The following TFDP2 variants were observed in gnomAD, a reference collection of about 807,000 sequenced individuals.
TFDP2 encodes the protein transcription factor Dp-2 (E2F dimerization partner 2).
TFDP2 carries 17 observed loss-of-function variants against 59.3 expected under a neutral mutation model. That is an observed-to-expected ratio of 0.29 (90% CI 0.20 to 0.43). The LOEUF (loss-of-function observed/expected upper bound fraction) is 0.43, where lower values mean the gene tolerates loss of function less well. Among genes scored for constraint, TFDP2 ranks in the 20% least tolerant of loss-of-function variants. TFDP2 has a pLI of 1.00. For synonymous variants in TFDP2, 180 were observed against 194.7 expected (o/e 0.92, Z 0.63); for missense variants, 391 against 528.8 (o/e 0.74, Z 2.56).
chr3:142,024,256 G>A (rs888060728), intron 3 of TFDP2, among the ~76,000 whole-genome samples: 4 of 152,124 alleles, frequency 2.6e-5, no homozygotes, highest in African/African-American at 7.2e-5. Flanking sequence ...CAAAGTCCCC[G>A]GTTGATAGTC....
rs1014720941 is a variant in TFDP2 at position 141,951,603 on chromosome 3, C to T, written c.*910G>A. ...CACACTGGGTGAGATCATACAATTA[C>T]TGCAGGGAACTGTAGGCAAGCAATT... On this transcript the variant is annotated 3_prime_UTR_variant, in exon 13 of 13. Coordinates refer to ENST00000489671, the MANE Select transcript of TFDP2 (RefSeq NM_001178139.2). 2 of 152,638 alleles carry T rather than the reference C, an allele frequency of 1.3e-5. No homozygotes were observed. The highest frequency in any genetic ancestry group is 4.8e-5 in the African/African-American group (2 of 41,448). The allele number at this position is 152,638 out of a possible 1,614,324, so 9.5% of individuals were successfully genotyped here. A position where few individuals can be genotyped will look rare whatever the true frequency, so the allele number is the denominator to read the frequency against.
At chr3:141,953,065 G>T in intron 11 of TFDP2, 49 bp from the exon 12 acceptor site, 1 of 1,355,134 alleles carries the variant, frequency 7.4e-7, no homozygotes, top group Non-Finnish European at 1.1e-6. Flanking sequence ...AAGTTCTGTG[G>T]CTGCTGTTGT....
chr3:141,984,327 C>T (rs1941823559), intron 6 of TFDP2, among the ~76,000 whole-genome samples: 1 of 151,946 alleles, frequency 6.6e-6, no homozygotes, highest in East Asian at 1.9e-4. Flanking sequence ...TGGTGAAACC[C>T]CGTTTACTAA....
chr3:141,999,551 C>T (rs1274693720), intron 4 of TFDP2, among the ~76,000 whole-genome samples: 2 of 152,106 alleles, frequency 1.3e-5, no homozygotes, highest in Non-Finnish European at 2.9e-5. Flanking sequence ...AAGAAAAGGG[C>T]AAGTATCTCA....
Position 142,101,735 on chromosome 3 carries a change from AT to A in TFDP2, c.14del (p.Asn5MetfsTer4). The A allele has an allele frequency of 5.9e-6, 8 of 1,364,790 alleles. No homozygotes were observed. The highest frequency in any genetic ancestry group is 2.5e-5 in the East Asian group (1 of 39,528). The allele number at this position is 1,364,790 out of a possible 1,614,324, so 84.5% of individuals were successfully genotyped here. A position where few individuals can be genotyped will look rare whatever the true frequency, so the allele number is the denominator to read the frequency against. ...CATTAAAAAATTTACAAATACTTAC[AT>A]TTTTTGCCGTCATGTCAAACTGTAT... MTAK[N>X]VGLTSTNAEV... On this transcript the variant is annotated frameshift_variant and splice_region_variant, in exon 2 of 13. Coordinates refer to ENST00000489671, the MANE Select transcript of TFDP2 (RefSeq NM_001178139.2). LOFTEE classifies it high-confidence loss of function.
intron 1 of TFDP2, among the ~76,000 whole-genome samples, chr3:142,111,809 T>C (rs1392799617): frequency 2.0e-5 from 3 of 152,318 alleles, no homozygotes; most frequent in South Asian, 4.1e-4. Context: ...CTCACGCCTG[T>C]AATCCCAGCA....
At chr3:141,994,089 G>C (rs1943041079) in intron 5 of TFDP2, among the ~76,000 whole-genome samples, 1 of 152,178 alleles carries the variant, frequency 6.6e-6, no homozygotes, top group Non-Finnish European at 1.5e-5. Flanking sequence ...TAGGATTCCA[G>C]GTAATTCTGT....
At chr3:141,991,203 A>G (rs1161243001) in intron 6 of TFDP2, among the ~76,000 whole-genome samples, 1 of 152,244 alleles carries the variant, frequency 6.6e-6, no homozygotes, top group Non-Finnish European at 1.5e-5. Flanking sequence ...GCACGTAACT[A>G]GAATCTACAA....
intron 1 of TFDP2, among the ~76,000 whole-genome samples, chr3:142,108,703 T>C (rs751518125): frequency 8.5e-5 from 13 of 152,192 alleles, no homozygotes; most frequent in Non-Finnish European, 1.9e-4. Flanking sequence ...GTGACAGTAA[T>C]GACATTTTAA....
At chr3:142,144,211 T>C (rs1218943192) in intron 1 of TFDP2, among the ~76,000 whole-genome samples, 1 of 152,158 alleles carries the variant, frequency 6.6e-6, no homozygotes, top group South Asian at 2.1e-4. Flanking sequence ...CTGTCTCTAT[T>C]AAAAATACAA....
chr3:141,995,328 G>A, intron 4 of TFDP2, 187 bp from the exon 5 acceptor site: 1 of 427,570 alleles, frequency 2.3e-6, no homozygotes, highest in East Asian at 3.5e-5. Flanking sequence ...TAAAGCACAA[G>A]TATCCTGAAT....
intron 6 of TFDP2, among the ~76,000 whole-genome samples, chr3:141,982,820 G>T (rs1409379538): frequency 1.3e-5 from 2 of 152,138 alleles, no homozygotes; most frequent in Non-Finnish European, 2.9e-5. Context: ...TATAAAATCA[G>T]TTCAGTGCAT....
At chr3:142,147,307 T>C (rs750647999) in intron 1 of TFDP2, among the ~76,000 whole-genome samples, 42 of 152,210 alleles carry the variant, frequency 2.8e-4, no homozygotes, top group Non-Finnish European at 5.1e-4. Flanking sequence ...AATTTAAAAT[T>C]CTATGATCTA....
intron 3 of TFDP2, chr3:142,044,136 C>T (rs1015247009): frequency 1.8e-4 from 107 of 589,124 alleles, no homozygotes; most frequent in South Asian, 6.8e-4. Context: ...CCAACCAGAC[C>T]TTCTTCTTGC....
At chr3:142,037,665 T>C (rs558615546) in intron 3 of TFDP2, among the ~76,000 whole-genome samples, 11 of 152,324 alleles carry the variant, frequency 7.2e-5, no homozygotes, top group African/African-American at 2.6e-4. Context: ...GTTGTGGTTA[T>C]TTACACAAAG....
intron 11 of TFDP2, among the ~76,000 whole-genome samples, chr3:141,957,151 T>C (rs1447528185): frequency 6.6e-6 from 1 of 151,820 alleles, no homozygotes. Context: ...ATCCTGTCTC[T>C]ACTAAAAATA....
intron 6 of TFDP2, among the ~76,000 whole-genome samples, chr3:141,980,174 G>C: frequency 6.7e-6 from 1 of 150,314 alleles, no homozygotes; most frequent in East Asian, 1.9e-4. Flanking sequence ...CCAAAGTGTT[G>C]GGTTATAAGT....
chr3:141,965,609 A>G (rs533712076), intron 9 of TFDP2, among the ~76,000 whole-genome samples: 5 of 151,210 alleles, frequency 3.3e-5, no homozygotes, highest in Non-Finnish European at 5.9e-5. Flanking sequence ...AAGGAAAGGA[A>G]AGGAAAGGAA....
chr3:142,009,462 A>G (rs1944467572), intron 3 of TFDP2, among the ~76,000 whole-genome samples: 1 of 152,214 alleles, frequency 6.6e-6, no homozygotes, highest in South Asian at 2.1e-4. Flanking sequence ...CTGTAATCCC[A>G]GCATTTTGGG....
Sources: allele counts gnomAD v4.1 joint callset (sites outside exome capture counted in the v4.1 genomes callset), GRCh38; gene constraint gnomAD v4.1.1; transcripts MANE v1.5; gene names NCBI Gene and HGNC (gene_info 2026-07-23, HGNC 2026-07-21).